ACAD9: variants seen among roughly 807,000 people sequenced by gnomAD.
The protein encoded by ACAD9 is acyl-CoA dehydrogenase family member 9.
Under a neutral mutation model 70.2 loss-of-function variants are expected in ACAD9, and 53 were observed. That is an observed-to-expected ratio of 0.75 (90% CI 0.61 to 0.95). The LOEUF (loss-of-function observed/expected upper bound fraction) is 0.95, where lower values mean the gene tolerates loss of function less well. ACAD9 is among the 40% of genes least tolerant of loss of function. The pLI, the probability that ACAD9 is intolerant of heterozygous loss-of-function variation, is 0.00. For synonymous variants in ACAD9, 313 were observed against 312.1 expected, an observed-to-expected ratio of 1.00 and a Z score of -0.03; for missense variants, 777 against 802.8, an observed-to-expected ratio of 0.97 and a Z score of 0.39.
chr3:128,883,555 A>G (rs1023944990), intron 1 of ACAD9, among the ~76,000 whole-genome samples: 1 of 151,898 alleles, frequency 6.6e-6, no homozygotes, highest in Non-Finnish European at 1.5e-5. Flanking sequence ...ACGGGGTTTC[A>G]CCATGTTGGT....
At chr3:128,908,642 C>T in intron 13 of ACAD9, 1 of 537,946 alleles carries the variant, frequency 1.9e-6, no homozygotes, top group South Asian at 2.0e-5. Context: ...TGCTCCCCTC[C>T]ACCCCCACCC....
At chr3:128,910,271 G>T (rs201184317) in intron 16 of ACAD9, 122 bp downstream of exon 16, 3 of 1,535,216 alleles carry the variant, frequency 2.0e-6, no homozygotes, top group Non-Finnish European at 2.6e-6. Context: ...GGTTCACCAT[G>T]CGGTGGCCGT....
intron 13 of ACAD9, 181 bp downstream of exon 13, chr3:128,908,445 G>T: frequency 1.4e-6 from 1 of 709,180 alleles, no homozygotes; most frequent in Non-Finnish European, 2.5e-6. Context: ...GGAAGCCCTC[G>T]CTGCCCTGCC....
rs543436241 is a variant in ACAD9, at chr3:128,902,820, G to T, written c.958+192G>T. On this transcript the variant is annotated intron_variant, in intron 9 of 17. Coordinates refer to ENST00000308982, the MANE Select transcript of ACAD9 (RefSeq NM_014049.5). This position sits in a 1 kb window ranked among gnomAD's most constrained non-coding sequence, Gnocchi z 4.0. ...CTGCCCCTGAGGTTTGTTGTCTTCC[G>T]CATTCCTCTGTTTCACCTCCACCCG... Among the ~76,000 whole-genome samples the T allele has an allele frequency of 6.6e-6, 1 of 152,140 alleles. No individual in the cohort carries two copies. Among genetic ancestry groups the T allele is most frequent in the African/African-American group, 2.4e-5 (1 of 41,432 alleles).
chr3:128,882,900 G>T (rs917497504), intron 1 of ACAD9, among the ~76,000 whole-genome samples: 2 of 152,142 alleles, frequency 1.3e-5, no homozygotes, highest in East Asian at 3.8e-4. Flanking sequence ...TTCTGTGGTT[G>T]TACCTGAAGG....
chr3:128,899,525 TGTG>T (rs1210219883), intron 7 of ACAD9, 64 bp downstream of exon 7: 19 of 415,206 alleles, frequency 4.6e-5, no homozygotes, highest in Non-Finnish European at 6.4e-5. Flanking sequence ...CCTTTGACGG[TGTG>T]TGTGTGTGTG....
In ACAD9 at chr3:128,912,571, CTAT is replaced by C. The variant is rs1398297588; in HGVS notation, c.1831_1833del (p.Tyr611del). 1 of 1,614,046 alleles carries C rather than the reference CTAT, an allele frequency of 6.2e-7. No individual in the cohort carries two copies. The highest frequency in any genetic ancestry group is 8.5e-7 in the Non-Finnish European group (1 of 1,180,032). On this transcript the variant is annotated inframe_deletion, in exon 18 of 18. Coordinates refer to ENST00000308982, the MANE Select transcript of ACAD9 (RefSeq NM_014049.5). Reference sequence around the variant, plus strand: ...CCCAGCAGATCCTTGAGAAGCGAGCCTATATCTGTGCCCACCCTCTGGACAGGA... The same window carrying C: ...CCCAGCAGATCCTTGAGAAGCGAGCCATCTGTGCCCACCCTCTGGACAGGA...
In ACAD9 at chr3:128,879,646, G is replaced by A; in HGVS notation, c.-46G>A. 5.0e-6 allele frequency: 8 copies of A among 1,594,168 alleles called. No individual in the cohort carries two copies. Among genetic ancestry groups the A allele is most frequent in the Non-Finnish European group, 6.8e-6 (8 of 1,170,264 alleles). Reference sequence around the variant, plus strand: ...TCAGACGTGTGTGTGTCCCTGCGGCGCTAAGAAGGGGAGACTGAGGCTGAG... The same window carrying A: ...TCAGACGTGTGTGTGTCCCTGCGGCACTAAGAAGGGGAGACTGAGGCTGAG... On this transcript the variant is annotated 5_prime_UTR_variant, in exon 1 of 18. Coordinates refer to ENST00000308982, the MANE Select transcript of ACAD9 (RefSeq NM_014049.5).
chr3:128,895,224 A>T, intron 3 of ACAD9, 86 bp from the exon 4 acceptor site: 1 of 997,508 alleles, frequency 1.0e-6, no homozygotes, highest in East Asian at 2.7e-5. Flanking sequence ...ATTACTTTAT[A>T]ATCAGAAGAA....
At chr3:128,884,863 T>C in intron 2 of ACAD9, 117 bp downstream of exon 2, 1 of 851,970 alleles carries the variant, frequency 1.2e-6, no homozygotes, top group Non-Finnish European at 2.0e-6. Flanking sequence ...TGGTTTCCAC[T>C]CATAATATTT....
At chr3:128,886,760 G>C (rs1383735398) in intron 2 of ACAD9, among the ~76,000 whole-genome samples, 1 of 150,928 alleles carries the variant, frequency 6.6e-6, no homozygotes, top group African/African-American at 2.4e-5. Flanking sequence ...GAAAAAAATT[G>C]ATGGAAAGAG....
In ACAD9 at chr3:128,901,583, C is replaced by T. The variant is rs550005353; in HGVS notation, c.882+234C>T. Among the ~76,000 whole-genome samples, 121 of 152,298 alleles carry T rather than the reference C, an allele frequency of 7.9e-4. 1 individual carries two copies. The highest frequency in any genetic ancestry group is 2.9e-3 in the African/African-American group (120 of 41,562). On this transcript the variant is annotated intron_variant, in intron 8 of 17. Transcript: ENST00000308982. ...TTCACCTCTGAGGCCCTATTCGCCTCGAGCGGAGGCTAAGATTCCCTTCTG... is the reference window on the plus strand; with the variant it reads ...TTCACCTCTGAGGCCCTATTCGCCTTGAGCGGAGGCTAAGATTCCCTTCTG...
chr3:128,909,994 C>A, intron 15 of ACAD9, 27 bp from the exon 16 acceptor site: 2 of 1,611,640 alleles, frequency 1.2e-6, no homozygotes, highest in South Asian at 1.1e-5. Context: ...GGTAGTGAGT[C>A]CCCACTTGGA....
chr3:128,910,731 G>A lies in ACAD9; in HGVS notation c.1693-10G>A. On this transcript the variant is annotated splice_polypyrimidine_tract_variant and intron_variant, in intron 16 of 17. Transcript: ENST00000308982. Reference sequence around the variant, plus strand: ...TTTGGGCATATCTTTTCTGTCCTCGGTTCTGGCAGGTTCTCTTGGCCAACA... The same window carrying A: ...TTTGGGCATATCTTTTCTGTCCTCGATTCTGGCAGGTTCTCTTGGCCAACA... 2 of 1,614,214 alleles carry A rather than the reference G, an allele frequency of 1.2e-6. No homozygotes were observed. Among genetic ancestry groups the A allele is most frequent in the Non-Finnish European group, 1.7e-6 (2 of 1,180,036 alleles).
chr3:128,894,802 C>T (rs1191938063), intron 3 of ACAD9, among the ~76,000 whole-genome samples: 5 of 151,308 alleles, frequency 3.3e-5, no homozygotes, highest in African/African-American at 9.7e-5. Context: ...CCCAAAGCGC[C>T]GGGATTACAG....
Position 128,912,511 on chromosome 3 carries a change from T to C in ACAD9, c.1770T>C (p.Ala590=). The C allele has an allele frequency of 6.2e-7, 1 of 1,613,548 alleles. No homozygotes were observed. The highest frequency in any genetic ancestry group is 8.5e-7 in the Non-Finnish European group (1 of 1,179,574). The part of the protein sequence containing the change: ...LFSLSQLDKY[A]PENLDEQIKK... ...ATCTCTCCTTTTCCTTCCCAGATGC[T>C]CCAGAAAACCTAGATGAGCAGATTA... The change falls in exon 18 of 18, where the codon GCT becomes GCC. Residue 590 remains alanine, a synonymous_variant. Coordinates refer to ENST00000308982, the MANE Select transcript of ACAD9 (RefSeq NM_014049.5).
intron 7 of ACAD9, among the ~76,000 whole-genome samples, chr3:128,900,328 C>T (rs1172847058): frequency 1.3e-5 from 2 of 152,176 alleles, no homozygotes; most frequent in Non-Finnish European, 2.9e-5. Flanking sequence ...AGCTCCGCCT[C>T]CCGGGTTCAC....
chr3:128,884,733 C>A lies in ACAD9; in HGVS notation c.231C>A (p.Phe77Leu), dbSNP rs748758547. ...INQFLGPVEK[F>L]FTEEVDSRKI... Reference sequence around the variant, plus strand: ...AGTTCTTGGGACCCGTGGAAAAATTCTTCACTGAAGAGGGTATGTATGGTT... The same window carrying A: ...AGTTCTTGGGACCCGTGGAAAAATTATTCACTGAAGAGGGTATGTATGGTT... Residue 77 changes from phenylalanine to leucine, a missense_variant, in exon 2 of 18, where the codon TTC becomes TTA. Physicochemically the swap from Phe to Leu is conservative, Grantham distance 22 (BLOSUM62 0). Coordinates refer to ENST00000308982, the MANE Select transcript of ACAD9 (RefSeq NM_014049.5). The A allele has an allele frequency of 1.2e-6, 2 of 1,612,788 alleles. No individual in the cohort carries two copies. The highest frequency in any genetic ancestry group is 2.2e-5 in the East Asian group (1 of 44,856).
chr3:128,893,579 A>G lies in ACAD9; in HGVS notation c.269A>G (p.Glu90Gly), dbSNP rs764113671. ...EEVDSRKIDQ[E>G]GKIPDETLEK... is the part of the protein sequence containing the mutation. ...GTGGACTCCCGAAAAATTGACCAGGAAGGGAAAATCCCAGATGAAACTTTG... is the reference window on the plus strand; with the variant it reads ...GTGGACTCCCGAAAAATTGACCAGGGAGGGAAAATCCCAGATGAAACTTTG... Residue 90 changes from glutamate to glycine, a missense_variant, in exon 3 of 18, where the codon GAA becomes GGA. Transcript: ENST00000308982. The G allele has an allele frequency of 1.9e-6, 3 of 1,614,206 alleles. No individual in the cohort carries two copies. The highest frequency in any genetic ancestry group is 1.7e-4 in the Middle Eastern group (1 of 6,058).
Sources: gnomAD v4.1 joint callset for allele counts (sites outside exome capture counted in the v4.1 genomes callset) on GRCh38, gnomAD v4.1.1 for gene constraint, Gnocchi (gnomAD v3.1) non-coding constraint, MANE v1.5 for transcripts, NCBI Gene and HGNC (gene_info 2026-07-23, HGNC 2026-07-21) for gene names.